GABRB2: variants seen among roughly 807,000 people sequenced by gnomAD.
The protein encoded by GABRB2 is gamma-aminobutyric acid type A receptor subunit beta2, also known as gamma-aminobutyric acid receptor subunit beta-2.
A neutral mutation model predicts 54.7 loss-of-function variants in GABRB2; 16 were observed. The ratio of observed to expected loss-of-function variants is 0.29; its 90% confidence interval spans 0.20 to 0.44. The LOEUF is 0.44. Among genes scored for constraint, GABRB2 ranks in the 20% least tolerant of loss-of-function variants. The pLI is 1.00. For missense variants in GABRB2, 355 were observed against 644.0 expected, an observed-to-expected ratio of 0.55 and a Z score of 4.86; for synonymous variants, 244 against 233.8, an observed-to-expected ratio of 1.04 and a Z score of -0.40.
At chr5:161,314,196 T>C (rs1277432753) in intron 9 of GABRB2, among the ~76,000 whole-genome samples, 2 of 152,344 alleles carry the variant, frequency 1.3e-5, no homozygotes, top group African/African-American at 2.4e-5. Context: ...GCTTTCAAGG[T>C]GGCAGCTGGG....
chr5:161,439,179 C>T (rs904309327), intron 4 of GABRB2, among the ~76,000 whole-genome samples: 10 of 152,134 alleles, frequency 6.6e-5, no homozygotes, highest in African/African-American at 1.9e-4. Flanking sequence ...ATAACAATGA[C>T]ACTCCGATAT....
intron 3 of GABRB2, among the ~76,000 whole-genome samples, chr5:161,528,545 G>A (rs1760355481): frequency 6.6e-6 from 1 of 151,664 alleles, no homozygotes; most frequent in African/African-American, 2.4e-5. Flanking sequence ...GACAAATTCA[G>A]GACAATGCCA....
At chr5:161,504,966 A>C (rs1404567548) in intron 3 of GABRB2, among the ~76,000 whole-genome samples, 3 of 152,170 alleles carry the variant, frequency 2.0e-5, no homozygotes, top group African/African-American at 7.2e-5. Context: ...AAAATTTTAC[A>C]CACAAAAATC....
chr5:161,373,101 C>T (rs1310842727), intron 5 of GABRB2, among the ~76,000 whole-genome samples: 1 of 152,118 alleles, frequency 6.6e-6, no homozygotes, highest in Non-Finnish European at 1.5e-5. Context: ...AAATTCCTAA[C>T]CGTATGCAAA....
chr5:161,336,532 G>T, intron 6 of GABRB2, 100 bp downstream of exon 6: 2 of 1,344,412 alleles, frequency 1.5e-6, no homozygotes, highest in Non-Finnish European at 2.0e-6. Flanking sequence ...GTCTTGTAAA[G>T]TCATGGTGCT....
intron 4 of GABRB2, among the ~76,000 whole-genome samples, chr5:161,426,023 T>C (rs1476574771): frequency 6.6e-6 from 1 of 152,064 alleles, no homozygotes; most frequent in African/African-American, 2.4e-5. Flanking sequence ...TTAGAAAAGA[T>C]AAAGAAGCGT....
intron 9 of GABRB2, among the ~76,000 whole-genome samples, chr5:161,313,268 A>C (rs1425263038): frequency 6.6e-6 from 1 of 152,122 alleles, no homozygotes; most frequent in Non-Finnish European, 1.5e-5. Flanking sequence ...TCATTTACAA[A>C]ATGATAGAAT....
chr5:161,330,647 A>T, intron 8 of GABRB2: 1 of 518,282 alleles, frequency 1.9e-6, no homozygotes, highest in Non-Finnish European at 3.5e-6. Context: ...AGCATCATAA[A>T]GGTCTTCTCA....
intron 9 of GABRB2, among the ~76,000 whole-genome samples, chr5:161,296,675 T>C (rs1167679981): frequency 6.6e-6 from 1 of 151,916 alleles, no homozygotes; most frequent in Non-Finnish European, 1.5e-5. Context: ...AAAAAAAAAA[T>C]GATTGAACAT....
rs535564972 is a variant in GABRB2 at position 161,360,112 on chromosome 5, T to C, written c.542-23343A>G. On this transcript the variant is annotated intron_variant, in intron 5 of 9. Coordinates refer to ENST00000393959, the MANE Select transcript of GABRB2 (RefSeq NM_001371727.1). The stretch of plus-strand genomic sequence containing the variant: ...AAAAAAATTGTAAAAAGATTATGTA[T>C]TTCATAGAGTAGGCTACTGAAAAGA... 2.2e-3 allele frequency among the ~76,000 whole-genome samples: 336 copies of C among 151,968 alleles called. 2 individuals carry two copies. Among genetic ancestry groups the C allele is most frequent in the African/African-American group, 7.7e-3 (321 of 41,464 alleles).
chr5:161,528,657 T>C (rs1171801029), intron 3 of GABRB2, among the ~76,000 whole-genome samples: 3 of 151,856 alleles, frequency 2.0e-5, no homozygotes, highest in Non-Finnish European at 2.9e-5. Flanking sequence ...AACCTAAGGA[T>C]TGTTTGCTTT....
At position 161,463,564 on chromosome 5, in the gene GABRB2, T is replaced by TAG. The variant is rs1561659524; in HGVS notation, c.238-3721_238-3720insCT. ...TTCCAAATATTTTTATTTATATATA[T>TAG]ATATATATATATATATATATATATA... On this transcript the variant is annotated intron_variant, in intron 3 of 9. Coordinates refer to ENST00000393959, the MANE Select transcript of GABRB2 (RefSeq NM_001371727.1). Among the ~76,000 whole-genome samples the TAG allele has an allele frequency of 3.7e-3, 324 of 87,486 alleles. 4 individuals carry two copies. The highest frequency in any genetic ancestry group is 6.0e-3 in the Non-Finnish European group (219 of 36,446). The allele number at this position is 87,486 out of a possible 152,430, so 57.4% of individuals were successfully genotyped here. A position where few individuals can be genotyped will look rare whatever the true frequency, so the allele number is the denominator to read the frequency against.
At chr5:161,334,398 G>GA (rs1249869114) in intron 7 of GABRB2, among the ~76,000 whole-genome samples, 3 of 152,040 alleles carry the variant, frequency 2.0e-5, no homozygotes, top group South Asian at 2.1e-4. Flanking sequence ...CTTTCATGGA[G>GA]AAAAAAACGT....
chr5:161,458,505 A>T (rs1758028219), intron 4 of GABRB2, among the ~76,000 whole-genome samples: 1 of 152,242 alleles, frequency 6.6e-6, no homozygotes, highest in Non-Finnish European at 1.5e-5. Flanking sequence ...AGGATCTAAG[A>T]TAAAGTATCA....
intron 5 of GABRB2, among the ~76,000 whole-genome samples, chr5:161,397,315 C>T (rs896659124): frequency 3.3e-5 from 5 of 152,142 alleles, no homozygotes; most frequent in Non-Finnish European, 5.9e-5. Context: ...AACTCAAGGC[C>T]GGCTCATCTG....
Position 161,454,201 on chromosome 5 carries a change from G to C in GABRB2, c.458+5423C>G, listed in dbSNP as rs144181184. The stretch of plus-strand genomic sequence containing the variant: ...CATTATTAAATGAAAATTATTGAAG[G>C]CATGCTACAACTGAGGCGCTTGCCT... On this transcript the variant is annotated intron_variant, in intron 4 of 9. Transcript: ENST00000393959. Among the ~76,000 whole-genome samples the C allele has an allele frequency of 9.3e-3, 1,416 of 152,212 alleles. 27 individuals carry two copies. Among genetic ancestry groups the C allele is most frequent in the South Asian group, 0.058 (279 of 4,824 alleles).
At chr5:161,516,646 G>C (rs1759958721) in intron 3 of GABRB2, among the ~76,000 whole-genome samples, 1 of 143,690 alleles carries the variant, frequency 7.0e-6, no homozygotes, top group Admixed American at 7.0e-5. Flanking sequence ...ATAAAGTAAA[G>C]ATTTTTTTTT....
At chr5:161,454,673 AT>A (rs1757896980) in intron 4 of GABRB2, among the ~76,000 whole-genome samples, 1 of 152,208 alleles carries the variant, frequency 6.6e-6, no homozygotes, top group Non-Finnish European at 1.5e-5. Context: ...ATTATACATT[AT>A]TTTACACTGA....
intron 5 of GABRB2, among the ~76,000 whole-genome samples, chr5:161,381,061 C>T (rs1580934378): frequency 6.6e-6 from 1 of 152,160 alleles, no homozygotes; most frequent in South Asian, 2.1e-4. Flanking sequence ...TCTCAATCTT[C>T]CCTGTACATA....
Sources: gnomAD v4.1 joint callset for allele counts (sites outside exome capture counted in the v4.1 genomes callset) on GRCh38, gnomAD v4.1.1 for gene constraint, MANE v1.5 for transcripts, NCBI Gene and HGNC (gene_info 2026-07-23, HGNC 2026-07-21) for gene names.